SCHIP1: variants seen among roughly 807,000 people sequenced by gnomAD.
The protein encoded by SCHIP1 is schwannomin interacting protein 1.
In SCHIP1, 8 loss-of-function variants were observed where a neutral mutation model predicts 29.7. The observed-to-expected ratio is 0.27, with a 90% confidence interval of 0.16 to 0.49. The LOEUF is 0.49. Among genes scored for constraint, SCHIP1 ranks in the 20% least tolerant of loss-of-function variants. The pLI, the probability that SCHIP1 is intolerant of heterozygous loss-of-function variation, is 0.99. For missense variants in SCHIP1, 193 were observed against 294.6 expected (o/e 0.66, Z 2.52); for synonymous variants, 76 against 94.9 (o/e 0.80, Z 1.16).
At chr3:159,789,745 G>T in the SCHIP1 span, among the ~76,000 whole-genome samples, 1 of 152,170 alleles carries the variant, frequency 6.6e-6, no homozygotes, top group Non-Finnish European at 1.5e-5. Flanking sequence ...CCCAGAAACT[G>T]ATTTTGTTAT....
the SCHIP1 span, among the ~76,000 whole-genome samples, chr3:159,488,486 T>C: frequency 6.6e-6 from 1 of 152,106 alleles, no homozygotes; most frequent in Non-Finnish European, 1.5e-5. Flanking sequence ...AAATAATGTG[T>C]TTAAAAAAAG....
the SCHIP1 span, among the ~76,000 whole-genome samples, chr3:159,693,655 G>A: frequency 6.6e-6 from 1 of 152,112 alleles, no homozygotes; most frequent in Non-Finnish European, 1.5e-5. Context: ...TGTGACTATA[G>A]GTAGAGGTCA....
At chr3:159,632,092 G>A in the SCHIP1 span, among the ~76,000 whole-genome samples, 1 of 152,120 alleles carries the variant, frequency 6.6e-6, no homozygotes, top group African/African-American at 2.4e-5. Flanking sequence ...CTTGGGAATG[G>A]AGAGGCCATC....
the SCHIP1 span, among the ~76,000 whole-genome samples, chr3:159,421,144 A>G: frequency 6.6e-6 from 1 of 152,118 alleles, no homozygotes; most frequent in African/African-American, 2.4e-5. Flanking sequence ...AGACATCTTT[A>G]CCTGCTGTGT....
the SCHIP1 span, among the ~76,000 whole-genome samples, chr3:159,293,781 A>C: frequency 6.6e-6 from 1 of 152,086 alleles, no homozygotes; most frequent in Admixed American, 6.6e-5. Flanking sequence ...TTAACTCAAT[A>C]GTTATAGGGC....
At chr3:159,507,521 G>A in the SCHIP1 span, among the ~76,000 whole-genome samples, 74 of 152,264 alleles carry the variant, frequency 4.9e-4, 1 homozygote, top group South Asian at 6.0e-3. Flanking sequence ...GGAGTGGTGA[G>A]AGAGGGCATC....
At chr3:159,760,314 T>G in the SCHIP1 span, among the ~76,000 whole-genome samples, 1 of 152,198 alleles carries the variant, frequency 6.6e-6, no homozygotes, top group Non-Finnish European at 1.5e-5. Flanking sequence ...CAGGGCAGAC[T>G]GAGATCTAGT....
chr3:159,825,704 C>T, the SCHIP1 span, among the ~76,000 whole-genome samples: 1 of 152,156 alleles, frequency 6.6e-6, no homozygotes. Context: ...ATACATATGG[C>T]CCTTGCTCTC....
the SCHIP1 span, among the ~76,000 whole-genome samples, chr3:159,688,861 TC>T: frequency 5.3e-5 from 8 of 152,230 alleles, no homozygotes; most frequent in Non-Finnish European, 1.2e-4. Context: ...GGGAATCCTT[TC>T]TTCATTGCTT....
the SCHIP1 span, among the ~76,000 whole-genome samples, chr3:159,381,273 GT>G: frequency 2.6e-5 from 4 of 152,264 alleles, no homozygotes; most frequent in South Asian, 8.3e-4. Flanking sequence ...CCTGATTCCT[GT>G]TTGTAACCCT....
chr3:159,742,747 A>T, the SCHIP1 span, among the ~76,000 whole-genome samples: 1 of 150,936 alleles, frequency 6.6e-6, no homozygotes, highest in African/African-American at 2.4e-5. Flanking sequence ...AGCTCACTGC[A>T]ACCTCCACCT....
At chr3:159,365,749 C>T in the SCHIP1 span, among the ~76,000 whole-genome samples, 44 of 152,228 alleles carry the variant, frequency 2.9e-4, no homozygotes, top group African/African-American at 1.0e-3. Context: ...ATGCATGCCC[C>T]TCACCTCTAG....
the SCHIP1 span, among the ~76,000 whole-genome samples, chr3:159,358,920 C>CT: frequency 0.054 from 5,173 of 96,552 alleles, 779 homozygotes; most frequent in Non-Finnish European, 0.062. Flanking sequence ...TATTAGCATC[C>CT]TTTTTTTTTT....
At chr3:159,550,273 T>G in the SCHIP1 span, among the ~76,000 whole-genome samples, 4 of 152,108 alleles carry the variant, frequency 2.6e-5, no homozygotes, top group Admixed American at 2.6e-4. Flanking sequence ...TCAAATCCTT[T>G]GTATTAAATT....
At chr3:159,504,757 G>A in the SCHIP1 span, among the ~76,000 whole-genome samples, 1 of 151,990 alleles carries the variant, frequency 6.6e-6, no homozygotes, top group Non-Finnish European at 1.5e-5. Flanking sequence ...CCAATCATGT[G>A]CCAGATACAA....
chr3:159,812,782 T>G, the SCHIP1 span, among the ~76,000 whole-genome samples: 1 of 152,198 alleles, frequency 6.6e-6, no homozygotes, highest in Admixed American at 6.5e-5. Context: ...CATTTTCTGT[T>G]GCCATAACCG....
At chr3:159,655,106 T>C in the SCHIP1 span, among the ~76,000 whole-genome samples, 2 of 152,228 alleles carry the variant, frequency 1.3e-5, no homozygotes, top group African/African-American at 2.4e-5. Flanking sequence ...TTATTTGTTG[T>C]ATGACCTTAA....
At chr3:159,382,639 G>A in the SCHIP1 span, among the ~76,000 whole-genome samples, 3 of 151,728 alleles carry the variant, frequency 2.0e-5, no homozygotes, top group African/African-American at 7.3e-5. Flanking sequence ...GGATGGCTGG[G>A]TCAAATGGTA....
At chr3:159,454,834 T>C in the SCHIP1 span, among the ~76,000 whole-genome samples, 7 of 152,204 alleles carry the variant, frequency 4.6e-5, no homozygotes, top group Non-Finnish European at 8.8e-5. Context: ...GGACAGGTCT[T>C]TTGTCACCAT....
Sources: allele counts gnomAD v4.1 joint callset (sites outside exome capture counted in the v4.1 genomes callset), GRCh38; gene constraint gnomAD v4.1.1; transcripts MANE v1.5; gene names NCBI Gene and HGNC (gene_info 2026-07-23, HGNC 2026-07-21).